Variants in OTUD7A observed in about 807,000 individuals in gnomAD.
OTUD7A encodes OTU deubiquitinase 7A.
OTUD7A carries 12 observed loss-of-function variants against 65.7 expected under a neutral mutation model. The ratio of observed to expected loss-of-function variants is 0.18; its 90% CI spans 0.12 to 0.30. OTUD7A has a LOEUF of 0.30. Among genes scored for constraint, OTUD7A ranks in the 10% least tolerant of loss-of-function variants. The pLI is 1.00. For synonymous variants in OTUD7A, 641 were observed against 586.3 expected (o/e 1.09, Z -1.35); for missense variants, 1,148 against 1,304.8 (o/e 0.88, Z 1.85).
chr15:31,623,673 C>T (rs1455493239), intron 3 of OTUD7A, among the ~76,000 whole-genome samples: 2 of 152,316 alleles, frequency 1.3e-5, no homozygotes, highest in South Asian at 4.1e-4. Flanking sequence ...GACAGCTTTG[C>T]TTGTCTAGGA....
chr15:31,635,153 T>C (rs1891299869), intron 3 of OTUD7A, among the ~76,000 whole-genome samples: 1 of 152,188 alleles, frequency 6.6e-6, no homozygotes, highest in Non-Finnish European at 1.5e-5. Context: ...CAAAGCTCCA[T>C]TCATAGTCCT....
At chr15:31,821,261 G>A (rs1383093581) in intron 1 of OTUD7A, among the ~76,000 whole-genome samples, 5 of 144,136 alleles carry the variant, frequency 3.5e-5, no homozygotes, top group Admixed American at 7.1e-5. Context: ...TCAGCCTCCC[G>A]AGTAGCTGGG....
chr15:31,837,482 G>A (rs968260391), intron 1 of OTUD7A, among the ~76,000 whole-genome samples: 1 of 152,172 alleles, frequency 6.6e-6, no homozygotes, highest in East Asian at 1.9e-4. Context: ...GGAGGCAGAG[G>A]TTGCAGTGGG....
rs528821760 is a variant in OTUD7A, at chr15:31,510,911, T to C, written c.894-7093A>G. ...TGTATATCTATATGTAACATATATG[T>C]ATATCTATATGTAACATATATGTAT... On this transcript the variant is annotated intron_variant, in intron 8 of 12. Transcript: ENST00000307050. 1.6e-4 allele frequency among the ~76,000 whole-genome samples: 6 copies of C among 36,538 alleles called. No individual in the cohort carries two copies. The South Asian group carries it at 2.0e-3, about 12-fold the overall frequency. The allele number at this position is 36,538 out of a possible 152,430, so 24.0% of individuals were successfully genotyped here. A position where few individuals can be genotyped will look rare whatever the true frequency, so the allele number is the denominator to read the frequency against.
chr15:31,866,667 G>A (rs896213410), intron 1 of OTUD7A, among the ~76,000 whole-genome samples: 1 of 152,066 alleles, frequency 6.6e-6, no homozygotes, highest in Admixed American at 6.5e-5. Context: ...CATTAAATAC[G>A]TTACAAAAAA....
intron 1 of OTUD7A, among the ~76,000 whole-genome samples, chr15:31,851,684 G>A (rs1019203836): frequency 6.6e-6 from 1 of 152,194 alleles, no homozygotes; most frequent in South Asian, 2.1e-4. Flanking sequence ...CTGACCTCCT[G>A]TTTACAGGGA....
chr15:31,869,307 C>A lies in OTUD7A; in HGVS notation c.-100+1200G>T, dbSNP rs368322118. 1.3e-4 allele frequency among the ~76,000 whole-genome samples: 20 copies of A among 152,330 alleles called. No homozygotes were observed. The East Asian group carries it at 3.7e-3, about 28-fold the overall frequency. On this transcript the variant is annotated intron_variant, in intron 1 of 12. Transcript: ENST00000307050. The stretch of plus-strand genomic sequence containing the variant: ...CGGCTGCTGGGAGGACCCTAGTGAA[C>A]CTGCCTCCCCGCCTTCGCCCAGGGC...
At chr15:31,616,410 T>TTA (rs150233293) in intron 3 of OTUD7A, among the ~76,000 whole-genome samples, 18 of 152,088 alleles carry the variant, frequency 1.2e-4, no homozygotes, top group South Asian at 2.1e-4. Context: ...GTATAACCAT[T>TTA]TATATATATA....
intron 4 of OTUD7A, among the ~76,000 whole-genome samples, chr15:31,565,666 T>A (rs193272618): frequency 5.8e-4 from 89 of 152,256 alleles, no homozygotes; most frequent in African/African-American, 2.0e-3. Flanking sequence ...GTGAAACCAC[T>A]GAGTCAAGTG....
At chr15:31,735,785 C>G (rs1215112688) in intron 1 of OTUD7A, among the ~76,000 whole-genome samples, 1 of 152,144 alleles carries the variant, frequency 6.6e-6, no homozygotes, top group Non-Finnish European at 1.5e-5. Flanking sequence ...GCACTATTTA[C>G]AACAGCAAAG....
chr15:31,548,157 T>TA (rs1350472589), intron 5 of OTUD7A, among the ~76,000 whole-genome samples: 15 of 148,698 alleles, frequency 1.0e-4, no homozygotes, highest in African/African-American at 3.7e-4. Flanking sequence ...GTGTTAAATG[T>TA]AAAGCTTGGG....
intron 5 of OTUD7A, chr15:31,556,600 C>G (rs1008476666): frequency 6.6e-6 from 1 of 152,214 alleles, no homozygotes; most frequent in Non-Finnish European, 1.5e-5. Context: ...TTTTGCTAAG[C>G]ATGGTAGGGC....
chr15:31,487,610 C>T lies in OTUD7A; in HGVS notation c.1172-44G>A, dbSNP rs1487178069. 5 of 1,533,680 alleles carry T rather than the reference C, an allele frequency of 3.3e-6. No individual in the cohort carries two copies. The highest frequency in any genetic ancestry group is 1.2e-5 in the South Asian group (1 of 85,480). On this transcript the variant is annotated intron_variant, in intron 10 of 12. Transcript: ENST00000307050. This position sits in a 1 kb window ranked among gnomAD's most constrained non-coding sequence, Gnocchi z 6.0. ...AGCCGTGCTTGGAGCCCCGGCAGTC[C>T]CCAGGCAGGATGGCAAGGAAATTCC...
chr15:31,832,462 A>G (rs1276971073), intron 1 of OTUD7A, among the ~76,000 whole-genome samples: 5 of 152,260 alleles, frequency 3.3e-5, no homozygotes. Flanking sequence ...TATATTATAC[A>G]TAACATAAAA....
At chr15:31,794,788 G>C (rs1187838571) in intron 1 of OTUD7A, among the ~76,000 whole-genome samples, 1 of 152,170 alleles carries the variant, frequency 6.6e-6, no homozygotes, top group African/African-American at 2.4e-5. Context: ...TTCATAAGAA[G>C]AGAGCCAATC....
chr15:31,724,969 G>T (rs1233440034), intron 1 of OTUD7A, among the ~76,000 whole-genome samples: 1 of 152,186 alleles, frequency 6.6e-6, no homozygotes, highest in Non-Finnish European at 1.5e-5. Context: ...ACTGGCACCT[G>T]CAGCTGATAG....
chr15:31,803,986 T>C (rs1289837953), intron 1 of OTUD7A, among the ~76,000 whole-genome samples: 2 of 152,140 alleles, frequency 1.3e-5, no homozygotes, highest in African/African-American at 4.8e-5. Context: ...AATCCCCTTA[T>C]TGGTGGGTAC....
intron 1 of OTUD7A, among the ~76,000 whole-genome samples, chr15:31,803,449 C>T (rs1264300518): frequency 6.6e-6 from 1 of 152,164 alleles, no homozygotes; most frequent in Non-Finnish European, 1.5e-5. Context: ...CCAGCATATA[C>T]ACCACCAACA....
chr15:31,579,508 C>A (rs1003094170), intron 3 of OTUD7A, among the ~76,000 whole-genome samples: 4 of 152,086 alleles, frequency 2.6e-5, no homozygotes, highest in African/African-American at 9.7e-5. Context: ...AGCCTGGACC[C>A]ACTGGACAAA....
Sources: gnomAD v4.1 joint callset for allele counts (sites outside exome capture counted in the v4.1 genomes callset) on GRCh38, gnomAD v4.1.1 for gene constraint, Gnocchi (gnomAD v3.1) non-coding constraint, MANE v1.5 for transcripts, NCBI Gene and HGNC (gene_info 2026-07-23, HGNC 2026-07-21) for gene names.